Variants in ADAMTS3 observed in about 807,000 individuals in gnomAD.
ADAMTS3 encodes the protein A disintegrin and metalloproteinase with thrombospondin motifs 3.
A neutral mutation model predicts 129.0 loss-of-function variants in ADAMTS3; 73 were observed. That is an observed-to-expected ratio of 0.57 (90% confidence interval 0.47 to 0.69). ADAMTS3 has a LOEUF of 0.69. Among genes scored for constraint, ADAMTS3 ranks in the 30% least tolerant of loss-of-function variants. The pLI is 0.00. For missense variants in ADAMTS3, 1,457 were observed against 1,514.5 expected (o/e 0.96, Z 0.63); for synonymous variants, 477 against 510.8 (o/e 0.93, Z 0.89).
intron 3 of ADAMTS3, among the ~76,000 whole-genome samples, chr4:72,464,472 G>A (rs937011388): frequency 6.6e-6 from 1 of 151,940 alleles, no homozygotes; most frequent in African/African-American, 2.4e-5. Context: ...GGTGGGCAGG[G>A]CTAAATTGTG....
At chr4:72,377,115 T>C (rs1450039902) in intron 4 of ADAMTS3, among the ~76,000 whole-genome samples, 2 of 152,196 alleles carry the variant, frequency 1.3e-5, no homozygotes, top group African/African-American at 2.4e-5. Flanking sequence ...CCCTGAGTAC[T>C]GCACACCCAC....
intron 4 of ADAMTS3, among the ~76,000 whole-genome samples, chr4:72,348,117 T>C (rs759494371): frequency 2.0e-5 from 3 of 152,098 alleles, no homozygotes; most frequent in Non-Finnish European, 4.4e-5. Flanking sequence ...TTAAAGGCTC[T>C]GAACACCACT....
intron 5 of ADAMTS3, among the ~76,000 whole-genome samples, chr4:72,333,171 A>G (rs1282105114): frequency 6.6e-6 from 1 of 152,220 alleles, no homozygotes; most frequent in African/African-American, 2.4e-5. Flanking sequence ...TCAGGCGCAA[A>G]GAGCTAAAAT....
At chr4:72,446,871 T>C (rs917576376) in intron 3 of ADAMTS3, among the ~76,000 whole-genome samples, 1 of 151,616 alleles carries the variant, frequency 6.6e-6, no homozygotes, top group African/African-American at 2.4e-5. Context: ...TGTAGGAAAC[T>C]TGCCCATAAC....
chr4:72,502,798 C>A (rs1720058481), intron 3 of ADAMTS3, among the ~76,000 whole-genome samples: 1 of 152,010 alleles, frequency 6.6e-6, no homozygotes, highest in Non-Finnish European at 1.5e-5. Flanking sequence ...TATACACTTG[C>A]CATTGAGGTT....
At chr4:72,306,845 A>T (rs1165882908) in intron 15 of ADAMTS3, among the ~76,000 whole-genome samples, 2 of 151,992 alleles carry the variant, frequency 1.3e-5, no homozygotes, top group Non-Finnish European at 2.9e-5. Flanking sequence ...CTATTACTGT[A>T]AATGTCATAT....
rs866393729 is a variant in ADAMTS3, at chr4:72,545,849, C to A, written c.504+2629G>T. ...AATCAGCCCTCAAAAACTTTCTTTTCTAAATCCACTGTTAATAGCTAAAAA... is the reference window on the plus strand; with the variant it reads ...AATCAGCCCTCAAAAACTTTCTTTTATAAATCCACTGTTAATAGCTAAAAA... On this transcript the variant is annotated intron_variant, in intron 3 of 21. Transcript: ENST00000286657. Among the ~76,000 whole-genome samples, 9 of 152,302 alleles carry A rather than the reference C, an allele frequency of 5.9e-5. No individual in the cohort carries two copies. The South Asian group carries it at 8.3e-4, about 14-fold the overall frequency.
In ADAMTS3 at chr4:72,283,784, T is replaced by C; in HGVS notation, c.3050-80A>G. On this transcript the variant is annotated intron_variant, in intron 21 of 21. Coordinates refer to ENST00000286657, the MANE Select transcript of ADAMTS3 (RefSeq NM_014243.3). ...GGAGGAAAAAAATTAAAATTTTTAA[T>C]GAATGTAAAAAGATTTAAGTGCAAT... The C allele has an allele frequency of 2.3e-6, 3 of 1,280,510 alleles. No homozygotes were observed. The South Asian group carries it at 4.8e-5, about 21-fold the overall frequency. The allele number at this position is 1,280,510 out of a possible 1,614,324, so 79.3% of individuals were successfully genotyped here. A position where few individuals can be genotyped will look rare whatever the true frequency, so the allele number is the denominator to read the frequency against.
chr4:72,365,193 A>C (rs748618416), intron 4 of ADAMTS3, among the ~76,000 whole-genome samples: 1 of 152,238 alleles, frequency 6.6e-6, no homozygotes, highest in Non-Finnish European at 1.5e-5. Flanking sequence ...GCCAGATATG[A>C]TCTTATAAAT....
intron 2 of ADAMTS3, among the ~76,000 whole-genome samples, chr4:72,557,536 A>T (rs930003278): frequency 1.1e-4 from 16 of 151,804 alleles, no homozygotes; most frequent in Non-Finnish European, 2.1e-4. Flanking sequence ...ATAGTATAAT[A>T]TTTTTATGAA....
At chr4:72,483,662 A>C (rs1409209456) in intron 3 of ADAMTS3, among the ~76,000 whole-genome samples, 1 of 152,174 alleles carries the variant, frequency 6.6e-6, no homozygotes, top group African/African-American at 2.4e-5. Context: ...CTAGCTGCAA[A>C]ACAATATAAT....
At chr4:72,299,582 C>T (rs955536008) in intron 17 of ADAMTS3, among the ~76,000 whole-genome samples, 3 of 151,898 alleles carry the variant, frequency 2.0e-5, no homozygotes, top group Non-Finnish European at 4.4e-5. Flanking sequence ...AATGGTCCTC[C>T]GGAACAGTTA....
intron 16 of ADAMTS3, among the ~76,000 whole-genome samples, chr4:72,304,728 G>A (rs1027360513): frequency 2.0e-4 from 31 of 151,594 alleles, no homozygotes; most frequent in African/African-American, 7.3e-4. Context: ...ATAATGAATG[G>A]GATTTTAAAT....
At position 72,283,338 on chromosome 4, in the gene ADAMTS3, C is replaced by G; in HGVS notation, c.3416G>C (p.Ser1139Thr). 1 of 1,613,854 alleles carries G rather than the reference C, an allele frequency of 6.2e-7. No homozygotes were observed. Among genetic ancestry groups the G allele is most frequent in the Non-Finnish European group, 8.5e-7 (1 of 1,179,822 alleles). The change falls in exon 22 of 22, where the codon AGT becomes ACT. Residue 1139 changes from serine to threonine, a missense_variant. Ser to Thr is a moderately conservative substitution (Grantham distance 58). Coordinates refer to ENST00000286657, the MANE Select transcript of ADAMTS3 (RefSeq NM_014243.3). ...TACGGTGACCAGTCTCACAGTCTTA[C>G]TTCCTGCTTGCTGAGCACTCCTCTG... ...LRQRSAQQAGSKTVRLVTVPS... is the reference protein window; with the variant it reads ...LRQRSAQQAGTKTVRLVTVPS...
intron 18 of ADAMTS3, among the ~76,000 whole-genome samples, chr4:72,296,156 A>G (rs1353209817): frequency 6.6e-6 from 1 of 152,062 alleles, no homozygotes; most frequent in Non-Finnish European, 1.5e-5. Flanking sequence ...CACAGAGGGA[A>G]GAGATCTGTA....
chr4:72,470,331 C>T (rs1020260753), intron 3 of ADAMTS3, among the ~76,000 whole-genome samples: 18 of 140,910 alleles, frequency 1.3e-4, no homozygotes, highest in African/African-American at 3.9e-4. Context: ...ATGAGGATTA[C>T]TCAAGTCATT....
chr4:72,313,943 G>T, intron 11 of ADAMTS3, 121 bp from the exon 12 acceptor site: 1 of 1,125,602 alleles, frequency 8.9e-7, no homozygotes, highest in Non-Finnish European at 1.3e-6. Flanking sequence ...AGGTGGAGAT[G>T]CATTTAAAAT....
intron 3 of ADAMTS3, among the ~76,000 whole-genome samples, chr4:72,427,110 C>T (rs1190206332): frequency 6.6e-6 from 1 of 152,072 alleles, no homozygotes; most frequent in Non-Finnish European, 1.5e-5. Context: ...TGACTGGTGT[C>T]AAGGTGTTAG....
At chr4:72,323,710 T>A (rs1187121763) in intron 5 of ADAMTS3, among the ~76,000 whole-genome samples, 7 of 152,312 alleles carry the variant, frequency 4.6e-5, no homozygotes, top group African/African-American at 1.7e-4. Flanking sequence ...CAGATGAATG[T>A]CAGCCCTGGA....
Sources: allele counts gnomAD v4.1 joint callset (sites outside exome capture counted in the v4.1 genomes callset), GRCh38; gene constraint gnomAD v4.1.1; transcripts MANE v1.5; gene names NCBI Gene and HGNC (gene_info 2026-07-23, HGNC 2026-07-21).